Variants in PILRB observed in about 807,000 individuals in gnomAD.
PILRB encodes the protein paired immunoglobin like type 2 receptor beta.
A neutral mutation model predicts 20.5 loss-of-function variants in PILRB; 21 were observed. The ratio of observed to expected loss-of-function variants is 1.02; its 90% CI spans 0.72 to 1.47. PILRB has a LOEUF of 1.47. PILRB is among the 40% of genes most tolerant of loss of function. The pLI is 0.00. For missense variants in PILRB, 253 were observed against 272.1 expected (o/e 0.93, Z 0.49); for synonymous variants, 133 against 115.1 (o/e 1.16, Z -0.99).
intron 2 of PILRB, 113 bp downstream of exon 2, chr7:100,359,192 A>G: frequency 2.6e-6 from 4 of 1,512,194 alleles, no homozygotes; most frequent in Non-Finnish European, 3.6e-6. Context: ...TTAGCATTTC[A>G]CCTTGCTACC....
At chr7:100,362,483 A>G (rs573453957) in intron 3 of PILRB, among the ~76,000 whole-genome samples, 10 of 152,262 alleles carry the variant, frequency 6.6e-5, no homozygotes, top group Non-Finnish European at 1.0e-4. Context: ...ACTGATACAG[A>G]AAAAACATTG....
At chr7:100,365,949 G>GTTT (rs769960565) in intron 3 of PILRB, among the ~76,000 whole-genome samples, 33 of 127,782 alleles carry the variant, frequency 2.6e-4, no homozygotes, top group Non-Finnish European at 2.9e-4. Flanking sequence ...ATTCTAGGTG[G>GTTT]TTTTTTTTTT....
Position 100,359,201 on chromosome 7 carries a change from C to T in PILRB, c.454+122C>T. ...GAGCTGTTAGCATTTCACCTTGCTA[C>T]CCCTTCCATGTCTGGGCTTCTGAGA... On this transcript the variant is annotated intron_variant, in intron 2 of 3. Transcript: ENST00000609309. 3 of 1,502,332 alleles carry T rather than the reference C, an allele frequency of 2.0e-6. No individual in the cohort carries two copies. In the South Asian group the frequency reaches 3.5e-5, roughly 17 times the overall value. The allele number at this position is 1,502,332 out of a possible 1,614,324, so 93.1% of individuals were successfully genotyped here.
At chr7:100,367,173 A>G (rs1790718042) in intron 3 of PILRB, among the ~76,000 whole-genome samples, 176 bp from the exon 4 acceptor site, 1 of 152,104 alleles carries the variant, frequency 6.6e-6, no homozygotes, top group South Asian at 2.1e-4. Flanking sequence ...AGGTGCGGGC[A>G]GGGGACGGGT....
At chr7:100,363,502 A>G (rs1790590166) in intron 3 of PILRB, among the ~76,000 whole-genome samples, 1 of 152,252 alleles carries the variant, frequency 6.6e-6, no homozygotes, top group Non-Finnish European at 1.5e-5. Flanking sequence ...CACTGAAACT[A>G]CAAAACATTG....
At chr7:100,367,168 C>T (rs1254958499) in intron 3 of PILRB, among the ~76,000 whole-genome samples, 181 bp from the exon 4 acceptor site, 4 of 152,186 alleles carry the variant, frequency 2.6e-5, no homozygotes, top group Non-Finnish European at 2.9e-5. Flanking sequence ...AGTACAGGTG[C>T]GGGCAGGGGA....
chr7:100,358,491 C>T, intron 1 of PILRB, 125 bp downstream of exon 1: 2 of 1,310,600 alleles, frequency 1.5e-6, no homozygotes, highest in East Asian at 2.4e-5. Flanking sequence ...GGGCGGGTCC[C>T]ATAGGGGTGG....
intron 1 of PILRB, 79 bp downstream of exon 1, chr7:100,358,445 TGGG>T: frequency 6.5e-7 from 1 of 1,537,950 alleles, no homozygotes; most frequent in Non-Finnish European, 8.9e-7. Context: ...GCAGAACATC[TGGG>T]GCAGGGGCCA....
chr7:100,367,497 C>T lies in PILRB; in HGVS notation c.*120C>T. On this transcript the variant is annotated 3_prime_UTR_variant, in exon 4 of 4. Coordinates refer to ENST00000609309, the MANE Select transcript of PILRB (RefSeq NM_178238.4). ...AGATACATGGAGAGCACCCTGAGGA[C>T]CTTTAAAAGGCAAAGCCGCAAGGCA... 1 of 727,090 alleles carries T rather than the reference C, an allele frequency of 1.4e-6. No individual in the cohort carries two copies. The highest frequency in any genetic ancestry group is 2.6e-6 in the Non-Finnish European group (1 of 385,816). 45.0% of individuals were successfully genotyped at this position (727,090 alleles called of 1,614,324 possible).
At chr7:100,363,267 T>C (rs975255950) in intron 3 of PILRB, among the ~76,000 whole-genome samples, 6 of 152,074 alleles carry the variant, frequency 3.9e-5, no homozygotes, top group African/African-American at 1.4e-4. Context: ...AGATCTCATA[T>C]GTAGAAAATC....
intron 3 of PILRB, among the ~76,000 whole-genome samples, chr7:100,361,648 G>A (rs1790530758): frequency 2.0e-5 from 3 of 152,180 alleles, no homozygotes; most frequent in Admixed American, 2.0e-4. Flanking sequence ...AGCCGAGATG[G>A]TGACACTGCA....
chr7:100,363,324 G>A (rs1020967281), intron 3 of PILRB, among the ~76,000 whole-genome samples: 1 of 152,122 alleles, frequency 6.6e-6, no homozygotes, highest in African/African-American at 2.4e-5. Flanking sequence ...ATTCAGCAAA[G>A]TTCCAGGAAA....
intron 3 of PILRB, among the ~76,000 whole-genome samples, chr7:100,361,189 C>T (rs979311408): frequency 6.6e-6 from 1 of 152,090 alleles, no homozygotes; most frequent in Admixed American, 6.6e-5. Flanking sequence ...CCTGCCTCGG[C>T]CTTCCAAAGT....
Position 100,367,407 on chromosome 7 carries a change from A to G in PILRB, c.*30A>G, listed in dbSNP as rs1227880586. The G allele has an allele frequency of 3.8e-6, 3 of 780,756 alleles. No homozygotes were observed. The highest frequency in any genetic ancestry group is 1.7e-5 in the African/African-American group (1 of 59,130). The allele number at this position is 780,756 out of a possible 1,614,324, so 48.4% of individuals were successfully genotyped here. Reference sequence around the variant, plus strand: ...CAGAGTGTGGGGAGAAGGGATGTGTATTAGCCCCGGAGGACGTGATGTGAG... The same window carrying G: ...CAGAGTGTGGGGAGAAGGGATGTGTGTTAGCCCCGGAGGACGTGATGTGAG... On this transcript the variant is annotated 3_prime_UTR_variant, in exon 4 of 4. Coordinates refer to ENST00000609309, the MANE Select transcript of PILRB (RefSeq NM_178238.4).
At chr7:100,361,128 G>A (rs1405504123) in intron 3 of PILRB, among the ~76,000 whole-genome samples, 1 of 151,930 alleles carries the variant, frequency 6.6e-6, no homozygotes, top group Non-Finnish European at 1.5e-5. Flanking sequence ...GTAGAGACGG[G>A]GTTTCACTCT....
rs998613766 is a variant in PILRB at position 100,358,552 on chromosome 7, G to A, written c.65-138G>A. ...CCTCCCCCATGCCTGAAGAGTGGGA[G>A]ACCCAGGCCAGAGGTCAGTCCAGCC... is the stretch of plus-strand genomic sequence containing the variant. On this transcript the variant is annotated intron_variant, in intron 1 of 3. Coordinates refer to ENST00000609309, the MANE Select transcript of PILRB (RefSeq NM_178238.4). 2.0e-5 allele frequency: 25 copies of A among 1,269,342 alleles called. No individual in the cohort carries two copies. The African/African-American group carries it at 3.7e-4, about 19-fold the overall frequency. The allele number at this position is 1,269,342 out of a possible 1,614,324, so 78.6% of individuals were successfully genotyped here.
intron 3 of PILRB, among the ~76,000 whole-genome samples, chr7:100,364,128 TAAATA>T (rs1450743392): frequency 6.9e-6 from 1 of 144,398 alleles, no homozygotes; most frequent in Non-Finnish European, 1.5e-5. Context: ...AAAAAAGACA[TAAATA>T]GAGCAGTGGA....
chr7:100,359,062 A>G lies in PILRB; in HGVS notation c.437A>G (p.Lys146Arg). The G allele has an allele frequency of 6.2e-7, 1 of 1,614,072 alleles. No homozygotes were observed. The highest frequency in any genetic ancestry group is 8.5e-7 in the Non-Finnish European group (1 of 1,180,000). The change falls in exon 2 of 4, where the codon AAA becomes AGA. Residue 146 changes from lysine to arginine, a missense_variant. Transcript: ENST00000609309. ...CAGTTGCAGTCCATCAAGGGGACCA[A>G]ACTCACCATCACCCAGGGTGAGTCC... is the stretch of plus-strand genomic sequence containing the variant. Reference protein sequence around the residue: ...RQQLQSIKGTKLTITQAVTTT... With the variant: ...RQQLQSIKGTRLTITQAVTTT...
chr7:100,358,251 C>G lies in PILRB; in HGVS notation c.-52C>G. The G allele has an allele frequency of 6.2e-7, 1 of 1,607,330 alleles. No homozygotes were observed. The highest frequency in any genetic ancestry group is 8.5e-7 in the Non-Finnish European group (1 of 1,177,672). On this transcript the variant is annotated 5_prime_UTR_variant, in exon 1 of 4. Transcript: ENST00000609309. ...GGCAGCCCCTCCACAGGGCCCCTCTCCTGCCTGGACAGCTCTGCTGGTCTC... is the reference window on the plus strand; with the variant it reads ...GGCAGCCCCTCCACAGGGCCCCTCTGCTGCCTGGACAGCTCTGCTGGTCTC...
Sources: gnomAD v4.1 joint callset for allele counts (sites outside exome capture counted in the v4.1 genomes callset) on GRCh38, gnomAD v4.1.1 for gene constraint, MANE v1.5 for transcripts, NCBI Gene and HGNC (gene_info 2026-07-23, HGNC 2026-07-21) for gene names.